Variants in ADAM23 observed in about 807,000 individuals in gnomAD.
The protein encoded by ADAM23 is ADAM metallopeptidase domain 23, also known as disintegrin and metalloproteinase domain-containing protein 23.
ADAM23 carries 33 observed loss-of-function variants against 120.1 expected under a neutral mutation model. The observed-to-expected ratio is 0.27, with a 90% CI of 0.21 to 0.37. ADAM23 has a LOEUF of 0.37. Among genes scored for constraint, ADAM23 ranks in the 10% least tolerant of loss-of-function variants. The pLI is 1.00. For missense variants in ADAM23, 862 were observed against 1,058.2 expected, an observed-to-expected ratio of 0.81 and a Z score of 2.57; for synonymous variants, 367 against 375.2, an observed-to-expected ratio of 0.98 and a Z score of 0.25.
At chr2:206,504,061 A>G (rs1254587830) in intron 3 of ADAM23, among the ~76,000 whole-genome samples, 1 of 152,164 alleles carries the variant, frequency 6.6e-6, no homozygotes, top group East Asian at 1.9e-4. Flanking sequence ...ATTCCTTGAT[A>G]TAACTTTTAT....
intron 3 of ADAM23, among the ~76,000 whole-genome samples, chr2:206,527,373 T>C (rs1359626173): frequency 6.6e-6 from 1 of 152,212 alleles, no homozygotes; most frequent in Non-Finnish European, 1.5e-5. Flanking sequence ...TACCGGTTCC[T>C]TCCTGGCTGG....
At chr2:206,583,371 G>A (rs956260459) in intron 18 of ADAM23, among the ~76,000 whole-genome samples, 15 of 151,758 alleles carry the variant, frequency 9.9e-5, no homozygotes, top group Admixed American at 6.6e-4. Context: ...GGAGAATGGC[G>A]TGAACCCGGG....
chr2:206,590,138 C>T (rs1698398807), intron 21 of ADAM23, among the ~76,000 whole-genome samples: 1 of 151,974 alleles, frequency 6.6e-6, no homozygotes, highest in Non-Finnish European at 1.5e-5. Context: ...CGCTTTATCA[C>T]CCAGGCTGGA....
chr2:206,548,622 C>T (rs940226586), intron 8 of ADAM23, among the ~76,000 whole-genome samples: 3 of 152,066 alleles, frequency 2.0e-5, no homozygotes, highest in Admixed American at 6.6e-5. Flanking sequence ...CTGTTTTCTA[C>T]GTGTTTTCTG....
At chr2:206,549,598 A>T (rs1697470553) in intron 8 of ADAM23, among the ~76,000 whole-genome samples, 1 of 151,930 alleles carries the variant, frequency 6.6e-6, no homozygotes, top group African/African-American at 2.4e-5. Flanking sequence ...TTAGAATTTC[A>T]CTCGAGTGAG....
intron 21 of ADAM23, among the ~76,000 whole-genome samples, chr2:206,592,378 T>C (rs1256459023): frequency 4.6e-5 from 7 of 152,142 alleles, no homozygotes; most frequent in African/African-American, 1.7e-4. Context: ...CAAGAATAGA[T>C]GAGACAGCAG....
At chr2:206,468,751 C>A (rs1006343321) in intron 2 of ADAM23, among the ~76,000 whole-genome samples, 1 of 152,054 alleles carries the variant, frequency 6.6e-6, no homozygotes, top group Non-Finnish European at 1.5e-5. Context: ...CTGTATTAGT[C>A]CATTCTCACA....
At chr2:206,558,391 T>A (rs991145692) in intron 10 of ADAM23, among the ~76,000 whole-genome samples, 2 of 152,228 alleles carry the variant, frequency 1.3e-5, no homozygotes, top group Non-Finnish European at 2.9e-5. Context: ...GATACTTATT[T>A]ACTCCAAAGA....
At chr2:206,455,677 T>G (rs1406925678) in intron 2 of ADAM23, among the ~76,000 whole-genome samples, 1 of 152,204 alleles carries the variant, frequency 6.6e-6, no homozygotes, top group Non-Finnish European at 1.5e-5. Flanking sequence ...CTTGAATGCT[T>G]TGCTGCTTTG....
intron 3 of ADAM23, among the ~76,000 whole-genome samples, chr2:206,512,629 T>C (rs1240004825): frequency 6.6e-6 from 1 of 152,182 alleles, no homozygotes; most frequent in Non-Finnish European, 1.5e-5. Flanking sequence ...TTGTCTTTGA[T>C]GAAAAAATAG....
At chr2:206,470,058 T>C (rs1574483894) in intron 2 of ADAM23, among the ~76,000 whole-genome samples, 2 of 152,170 alleles carry the variant, frequency 1.3e-5, no homozygotes, top group South Asian at 4.1e-4. Flanking sequence ...TATTGTTGGT[T>C]GTATTAGCCA....
At chr2:206,498,436 C>A (rs1696306685) in intron 3 of ADAM23, among the ~76,000 whole-genome samples, 1 of 152,250 alleles carries the variant, frequency 6.6e-6, no homozygotes, top group Non-Finnish European at 1.5e-5. Flanking sequence ...GCTGGGAAAA[C>A]TGGCTACCCA....
intron 3 of ADAM23, among the ~76,000 whole-genome samples, chr2:206,528,980 A>G (rs1351617223): frequency 6.6e-6 from 1 of 152,182 alleles, no homozygotes; most frequent in East Asian, 1.9e-4. Context: ...CATTATTCCT[A>G]GTGATAGAGC....
At chr2:206,452,442 T>G (rs1301013612) in intron 2 of ADAM23, among the ~76,000 whole-genome samples, 2 of 152,170 alleles carry the variant, frequency 1.3e-5, no homozygotes, top group Non-Finnish European at 2.9e-5. Context: ...TTAGTGTCAT[T>G]CTGTCTTCAC....
At chr2:206,570,932 G>C in intron 16 of ADAM23, 121 bp downstream of exon 16, 1 of 801,394 alleles carries the variant, frequency 1.2e-6, no homozygotes. Context: ...TCATCTCTCT[G>C]ATTAGTGCTT....
rs79590375 is a variant in ADAM23, at chr2:206,456,030, A to G, written c.432+10506A>G. Among the ~76,000 whole-genome samples the G allele has an allele frequency of 6.8e-3, 1,037 of 152,268 alleles. 13 individuals are homozygous for G. Among genetic ancestry groups the G allele is most frequent in the African/African-American group, 0.022 (901 of 41,554 alleles). On this transcript the variant is annotated intron_variant, in intron 2 of 25. Coordinates refer to ENST00000264377, the MANE Select transcript of ADAM23 (RefSeq NM_003812.4). ...CACATTTTCCGGTTTCTTTATAACA[A>G]TGTTCCACTCCTGGTACCAATTTTC... is the stretch of plus-strand genomic sequence containing the variant.
At chr2:206,524,097 C>A (rs1696898847) in intron 3 of ADAM23, among the ~76,000 whole-genome samples, 1 of 152,106 alleles carries the variant, frequency 6.6e-6, no homozygotes, top group Non-Finnish European at 1.5e-5. Context: ...TAAGTACTTT[C>A]AAGCAGCAGA....
At chr2:206,601,238 A>G (rs889519279) in intron 24 of ADAM23, among the ~76,000 whole-genome samples, 5 of 152,212 alleles carry the variant, frequency 3.3e-5, no homozygotes, top group African/African-American at 1.2e-4. Context: ...TTTCAGTGAT[A>G]TGTATGGGCA....
intron 18 of ADAM23, among the ~76,000 whole-genome samples, chr2:206,585,086 G>A (rs1698297767): frequency 6.6e-6 from 1 of 152,184 alleles, no homozygotes; most frequent in African/African-American, 2.4e-5. Context: ...GGGTCCTGCA[G>A]GAGCAGTCTG....
Sources: allele counts gnomAD v4.1 joint callset (sites outside exome capture counted in the v4.1 genomes callset), GRCh38; gene constraint gnomAD v4.1.1; transcripts MANE v1.5; gene names NCBI Gene and HGNC (gene_info 2026-07-23, HGNC 2026-07-21).